ZPLD1: variants seen among roughly 807,000 people sequenced by gnomAD.
ZPLD1 encodes zona pellucida like domain containing 1, also known as zona pellucida-like domain-containing protein 1.
Under a neutral mutation model 47.2 loss-of-function variants are expected in ZPLD1, and 34 were observed. That is an observed-to-expected ratio of 0.72 (90% confidence interval 0.55 to 0.96). The LOEUF (loss-of-function observed/expected upper bound fraction) is 0.96, where lower values mean the gene tolerates loss of function less well. Ranked by LOEUF, ZPLD1 falls within the 40% of genes least tolerant of loss-of-function variation. The pLI is 0.00. For missense variants in ZPLD1, 512 were observed against 505.8 expected, an observed-to-expected ratio of 1.01 and a Z score of -0.12; for synonymous variants, 176 against 186.2, an observed-to-expected ratio of 0.95 and a Z score of 0.45.
At chr3:102,408,967 G>A (rs1706721885) in intron 7 of ZPLD1, among the ~76,000 whole-genome samples, 1 of 151,654 alleles carries the variant, frequency 6.6e-6, no homozygotes, top group Non-Finnish European at 1.5e-5. Context: ...CTAGTACAAT[G>A]GACCCTGAGA....
At chr3:102,440,745 A>G (rs1707164481) in intron 3 of ZPLD1, among the ~76,000 whole-genome samples, 1 of 151,482 alleles carries the variant, frequency 6.6e-6, no homozygotes, top group African/African-American at 2.4e-5. Context: ...AAAAAAAAAA[A>G]AAAAAGAAAG....
intron 8 of ZPLD1, among the ~76,000 whole-genome samples, chr3:102,468,749 C>A (rs1707636035): frequency 6.6e-6 from 1 of 152,192 alleles, no homozygotes; most frequent in Non-Finnish European, 1.5e-5. Flanking sequence ...ACTATTAATG[C>A]AATCAGAAAC....
intron 7 of ZPLD1, among the ~76,000 whole-genome samples, chr3:102,408,118 T>A (rs1706712073): frequency 2.0e-5 from 3 of 151,900 alleles, no homozygotes. Flanking sequence ...GTTGTTATGG[T>A]GATATGATCA....
Position 102,456,045 on chromosome 3 carries a change from C to A in ZPLD1, c.328-148C>A, listed in dbSNP as rs146492343. 2.0e-3 allele frequency: 1,109 copies of A among 544,718 alleles called. 4 individuals carry two copies. Among genetic ancestry groups the A allele is most frequent in the Non-Finnish European group, 2.8e-3 (930 of 337,434 alleles). The allele number at this position is 544,718 out of a possible 1,614,324, so 33.7% of individuals were successfully genotyped here. ...TGTCACTTATAAATTGCATTTCTCA[C>A]TTATAAACTTGATATTTCAAAACCT... On this transcript the variant is annotated intron_variant, in intron 4 of 11. Transcript: ENST00000466937.
chr3:102,387,579 C>T, intron 6 of ZPLD1, among the ~76,000 whole-genome samples: 1 of 152,250 alleles, frequency 6.6e-6, no homozygotes, highest in East Asian at 1.9e-4. Flanking sequence ...CCTGGGACTT[C>T]CTTCTAGGTT....
rs1023360248 is a variant in ZPLD1 at position 102,447,039 on chromosome 3, A to G, written c.107-5880A>G. Reference sequence around the variant, plus strand: ...GACTAGTAGAAAATTTATGGTACTGATTTTTCATGTTTGATTCTTGTGCAT... The same window carrying G: ...GACTAGTAGAAAATTTATGGTACTGGTTTTTCATGTTTGATTCTTGTGCAT... On this transcript the variant is annotated intron_variant, in intron 3 of 11. Transcript: ENST00000466937. 5.3e-5 allele frequency among the ~76,000 whole-genome samples: 8 copies of G among 151,952 alleles called. 1 individual carries two copies. The highest frequency in any genetic ancestry group is 1.7e-4 in the African/African-American group (7 of 41,370).
At chr3:102,419,653 G>T (rs1706853102) in intron 8 of ZPLD1, among the ~76,000 whole-genome samples, 2 of 150,142 alleles carry the variant, frequency 1.3e-5, no homozygotes, top group East Asian at 3.9e-4. Context: ...TTTTTTGCAA[G>T]GAATCTCTTT....
chr3:102,387,641 A>T (rs939995698), intron 6 of ZPLD1, among the ~76,000 whole-genome samples: 3 of 152,112 alleles, frequency 2.0e-5, no homozygotes, highest in African/African-American at 7.2e-5. Flanking sequence ...GCTTTTTAGC[A>T]TCCAGTATTT....
chr3:102,453,509 G>T (rs900177275), intron 4 of ZPLD1, among the ~76,000 whole-genome samples: 4 of 152,134 alleles, frequency 2.6e-5, no homozygotes, highest in African/African-American at 4.8e-5. Flanking sequence ...GCAGTGAACC[G>T]CTTGGCCTGT....
At chr3:102,416,173 A>C (rs541532146) in intron 7 of ZPLD1, among the ~76,000 whole-genome samples, 1 of 152,014 alleles carries the variant, frequency 6.6e-6, no homozygotes, top group East Asian at 1.9e-4. Context: ...GATGTATGAC[A>C]TTGTTGTTCA....
At chr3:102,463,230 G>A (rs778186128) in intron 7 of ZPLD1, among the ~76,000 whole-genome samples, 2 of 152,154 alleles carry the variant, frequency 1.3e-5, no homozygotes, top group Non-Finnish European at 2.9e-5. Context: ...GGATATGTAT[G>A]TGCCTCATGG....
intron 7 of ZPLD1, among the ~76,000 whole-genome samples, chr3:102,415,204 A>G (rs1706791696): frequency 6.6e-6 from 1 of 151,830 alleles, no homozygotes; most frequent in Non-Finnish European, 1.5e-5. Context: ...ACTACAACTC[A>G]TTTTGTAAGT....
At chr3:102,431,634 C>T (rs1403331102), upstream of ZPLD1, among the ~76,000 whole-genome samples, 1 of 152,174 alleles carries the variant, frequency 6.6e-6, no homozygotes, top group African/African-American at 2.4e-5. Flanking sequence ...TAGGGCCGGG[C>T]ATGATGGCTC....
At position 102,453,077 on chromosome 3, in the gene ZPLD1, C is replaced by T. The variant is rs1707363043; in HGVS notation, c.265C>T (p.Pro89Ser). The T allele has an allele frequency of 1.2e-6, 2 of 1,614,058 alleles. No individual in the cohort carries two copies. Among genetic ancestry groups the T allele is most frequent in the Non-Finnish European group, 1.7e-6 (2 of 1,179,990 alleles). ...AGGGTTCATCAATAACAACACCTTTCCAGCAGTGGTCATTTTTATCATCAA... is the reference window on the plus strand; with the variant it reads ...AGGGTTCATCAATAACAACACCTTTTCAGCAGTGGTCATTTTTATCATCAA... ...CRGFINNNTF[P>S]AVVIFIINLS... is the part of the protein sequence containing the mutation. The change falls in exon 4 of 12, where the codon CCA becomes TCA. Residue 89 changes from proline to serine, a missense_variant. Transcript: ENST00000466937.
chr3:102,435,068 A>G lies in ZPLD1; in HGVS notation c.-209A>G, dbSNP rs1302602964. On this transcript the variant is annotated 5_prime_UTR_variant, in exon 1 of 12. Transcript: ENST00000466937. ...CCATACAATTCAATTTCAGAAAAGT[A>G]TTTAGGGACTGTGCTAAAATAGCAT... 1 of 1,609,398 alleles carries G rather than the reference A, an allele frequency of 6.2e-7. No homozygotes were observed. The highest frequency in any genetic ancestry group is 1.1e-5 in the South Asian group (1 of 90,978).
chr3:102,466,286 C>G (rs1457547693), intron 8 of ZPLD1, among the ~76,000 whole-genome samples: 2 of 152,018 alleles, frequency 1.3e-5, no homozygotes, highest in African/African-American at 4.8e-5. Flanking sequence ...TTGGGGAAAC[C>G]CTTAAGGAAG....
chr3:102,400,838 C>T (rs564537693), intron 7 of ZPLD1, among the ~76,000 whole-genome samples: 1 of 152,050 alleles, frequency 6.6e-6, no homozygotes, highest in Non-Finnish European at 1.5e-5. Flanking sequence ...CATTACTGCC[C>T]GTAGCAATGG....
chr3:102,435,424 C>T (rs1472301256), intron 1 of ZPLD1, among the ~76,000 whole-genome samples: 1 of 152,158 alleles, frequency 6.6e-6, no homozygotes, highest in Non-Finnish European at 1.5e-5. Flanking sequence ...CCATGAGACA[C>T]TTTGTATTGT....
At chr3:102,408,611 G>A (rs970332290) in intron 7 of ZPLD1, among the ~76,000 whole-genome samples, 15 of 151,772 alleles carry the variant, frequency 9.9e-5, no homozygotes, top group Non-Finnish European at 2.1e-4. Context: ...GAGATTTCTT[G>A]CAATTTAACT....
Sources: gnomAD v4.1 joint callset for allele counts (sites outside exome capture counted in the v4.1 genomes callset) on GRCh38, gnomAD v4.1.1 for gene constraint, MANE v1.5 for transcripts, NCBI Gene and HGNC (gene_info 2026-07-23, HGNC 2026-07-21) for gene names.